The following EPB41L2 variants were observed in gnomAD, a reference collection of about 807,000 sequenced individuals.
EPB41L2 encodes band 4.1-like protein 2.
A neutral mutation model predicts 113.0 loss-of-function variants in EPB41L2; 43 were observed. That is an observed-to-expected ratio of 0.38 (90% CI 0.30 to 0.49). The LOEUF (loss-of-function observed/expected upper bound fraction) is 0.49. EPB41L2 is among the 20% of genes least tolerant of loss of function. The pLI is 0.95. For missense variants in EPB41L2, 1,147 were observed against 1,223.4 expected, an observed-to-expected ratio of 0.94 and a Z score of 0.93; for synonymous variants, 442 against 436.7, an observed-to-expected ratio of 1.01 and a Z score of -0.15.
intron 1 of EPB41L2, among the ~76,000 whole-genome samples, chr6:130,969,883 T>C (rs530777688): frequency 2.0e-5 from 3 of 151,952 alleles, no homozygotes; most frequent in Admixed American, 1.3e-4. Context: ...ACTGAAAAAA[T>C]TGTGAAACAA....
chr6:131,024,660 T>C (rs1365292983), intron 1 of EPB41L2, among the ~76,000 whole-genome samples: 3 of 145,352 alleles, frequency 2.1e-5, no homozygotes, highest in Admixed American at 2.0e-4. Flanking sequence ...AGATGTCTAC[T>C]AACATAATTC....
chr6:130,930,012 GTCCCACTCA>G (rs1806259583), intron 3 of EPB41L2, among the ~76,000 whole-genome samples: 1 of 151,980 alleles, frequency 6.6e-6, no homozygotes, highest in African/African-American at 2.4e-5. Context: ...TTTTCCACTG[GTCCCACTCA>G]TCCCATGAGT....
At position 131,050,200 on chromosome 6, in the gene EPB41L2, G is replaced by A. The variant is rs376577959; in HGVS notation, c.-15+12955C>T. 6.6e-5 allele frequency among the ~76,000 whole-genome samples: 10 copies of A among 152,170 alleles called. No individual in the cohort carries two copies. The East Asian group carries it at 7.7e-4, about 12-fold the overall frequency. On this transcript the variant is annotated intron_variant, in intron 1 of 19. Coordinates refer to ENST00000337057, the MANE Select transcript of EPB41L2 (RefSeq NM_001431.4). ...CTAAAAACACAAAAATTAGCTGGGC[G>A]TGGTGGCGGGCACCTGTAATCTCAG...
chr6:130,984,660 T>C (rs1216560914), intron 1 of EPB41L2, among the ~76,000 whole-genome samples: 1 of 152,226 alleles, frequency 6.6e-6, no homozygotes, highest in Non-Finnish European at 1.5e-5. Flanking sequence ...TAACTGTAAA[T>C]GCATTTTTAA....
rs376910072 is a variant in EPB41L2 at position 130,878,161 on chromosome 6, C to T, written c.1986G>A (p.Pro662=). 1.1e-4 allele frequency: 175 copies of T among 1,613,386 alleles called. No individual in the cohort carries two copies. The highest frequency in any genetic ancestry group is 1.7e-4 in the Middle Eastern group (1 of 6,060). ...GTCGTTTTTCCCATTCATTAGGGCG[C>T]GGCTCAGGTGTGGATTCCATAAAAT... The part of the protein sequence containing the change: ...KRNFMESTPE[P]RPNEWEKRRI... The change falls in exon 14 of 20, where the codon CCG becomes CCA. Residue 662 remains proline (P), a synonymous_variant. Coordinates refer to ENST00000337057, the MANE Select transcript of EPB41L2 (RefSeq NM_001431.4).
intron 3 of EPB41L2, among the ~76,000 whole-genome samples, chr6:130,931,424 G>A (rs1475849277): frequency 6.6e-6 from 1 of 152,056 alleles, no homozygotes; most frequent in African/African-American, 2.4e-5. Flanking sequence ...TCACTCCTAA[G>A]AAACCTAAAA....
rs563209721 is a variant in EPB41L2, at chr6:131,046,213, C to T, written c.-15+16942G>A. Among the ~76,000 whole-genome samples, 6 of 152,018 alleles carry T rather than the reference C, an allele frequency of 3.9e-5. No homozygotes were observed. In the South Asian group the frequency reaches 1.3e-3, roughly 32 times the overall value. On this transcript the variant is annotated intron_variant, in intron 1 of 19. Transcript: ENST00000337057. ...AGGATTACAGATACGAGCCACTATG[C>T]CCTGGCTCTTTCCTTCTTAAAGAAA...
chr6:131,053,194 C>A (rs968667625), intron 1 of EPB41L2, among the ~76,000 whole-genome samples: 1 of 151,296 alleles, frequency 6.6e-6, no homozygotes, highest in African/African-American at 2.4e-5. Flanking sequence ...CCGTGCCCAG[C>A]AAGTAAATTT....
chr6:131,028,551 A>C (rs1404755932), intron 1 of EPB41L2, among the ~76,000 whole-genome samples: 2 of 152,194 alleles, frequency 1.3e-5, no homozygotes, highest in Non-Finnish European at 2.9e-5. Context: ...GAACACTATA[A>C]TACTACATTG....
intron 1 of EPB41L2, 89 bp from the exon 2 acceptor site, chr6:130,956,588 G>A: frequency 8.5e-7 from 1 of 1,175,002 alleles, no homozygotes; most frequent in Non-Finnish European, 1.2e-6. Context: ...GGAAAGATGA[G>A]AAGAAGAGTA....
intron 18 of EPB41L2, among the ~76,000 whole-genome samples, chr6:130,862,463 A>C (rs552322412): frequency 6.6e-6 from 1 of 152,294 alleles, no homozygotes; most frequent in South Asian, 2.1e-4. Flanking sequence ...TTCTCAGGCG[A>C]AACTCAAGAC....
intron 1 of EPB41L2, among the ~76,000 whole-genome samples, chr6:131,037,778 A>G (rs1226336915): frequency 6.6e-6 from 1 of 151,980 alleles, no homozygotes; most frequent in Non-Finnish European, 1.5e-5. Context: ...TTGTAGTGAC[A>G]GGGTTTCACC....
In EPB41L2 at chr6:131,062,771, G is replaced by A. The variant is rs1407110320; in HGVS notation, c.-15+384C>T. On this transcript the variant is annotated intron_variant, in intron 1 of 19. Coordinates refer to ENST00000337057, the MANE Select transcript of EPB41L2 (RefSeq NM_001431.4). ...GCGTGACCTGAGCCCACGGCACCCC[G>A]GGGGGGACGGCGTCCTCCCCGTGCC... Among the ~76,000 whole-genome samples, 6 of 151,814 alleles carry A rather than the reference G, an allele frequency of 4.0e-5. No homozygotes were observed. The East Asian group carries it at 1.2e-3, about 30-fold the overall frequency.
At chr6:130,997,785 CAG>C in intron 1 of EPB41L2, among the ~76,000 whole-genome samples, 1 of 152,070 alleles carries the variant, frequency 6.6e-6, no homozygotes. Flanking sequence ...TAACACAAAA[CAG>C]AGCTAAACAT....
intron 4 of EPB41L2, among the ~76,000 whole-genome samples, chr6:130,917,009 G>A (rs995263485): frequency 3.3e-5 from 5 of 152,212 alleles, no homozygotes; most frequent in African/African-American, 1.2e-4. Context: ...GCAGGGCACA[G>A]TTTCCACATT....
intron 1 of EPB41L2, among the ~76,000 whole-genome samples, chr6:130,960,212 C>A (rs997815726): frequency 2.0e-5 from 3 of 152,128 alleles, no homozygotes; most frequent in African/African-American, 7.2e-5. Flanking sequence ...CCATTATGCA[C>A]GAATGACCTA....
At chr6:130,955,360 C>T (rs763713477) in intron 2 of EPB41L2, 43 bp from the exon 3 acceptor site, 2 of 1,575,116 alleles carry the variant, frequency 1.3e-6, no homozygotes, top group African/African-American at 2.7e-5. Flanking sequence ...AGTCAACCAC[C>T]TTGCAGATGA....
chr6:130,930,266 C>G (rs1300049993), intron 3 of EPB41L2, among the ~76,000 whole-genome samples: 1 of 152,060 alleles, frequency 6.6e-6, no homozygotes, highest in Non-Finnish European at 1.5e-5. Context: ...CTAATGTATT[C>G]TACAACAGAA....
chr6:130,911,918 G>A (rs1011234698), intron 4 of EPB41L2, among the ~76,000 whole-genome samples: 10 of 152,080 alleles, frequency 6.6e-5, no homozygotes, highest in African/African-American at 2.2e-4. Context: ...CCCATCCCAC[G>A]GACTGGTACC....
Sources: gnomAD v4.1 joint callset for allele counts (sites outside exome capture counted in the v4.1 genomes callset) on GRCh38, gnomAD v4.1.1 for gene constraint, MANE v1.5 for transcripts, NCBI Gene and HGNC (gene_info 2026-07-23, HGNC 2026-07-21) for gene names.